The following CENPW variants were observed in gnomAD, a reference collection of about 807,000 sequenced individuals.
CENPW encodes the protein cancer-up-regulated gene 2 protein.
Under a neutral mutation model 11.1 loss-of-function variants are expected in CENPW, and 3 were observed. That is an observed-to-expected ratio of 0.27 (90% CI 0.12 to 0.70). The LOEUF (loss-of-function observed/expected upper bound fraction) is 0.70. Ranked by LOEUF, CENPW falls within the 30% of genes least tolerant of loss-of-function variation. The pLI is 0.77. For synonymous variants in CENPW, 38 were observed against 42.0 expected (o/e 0.91, Z 0.37); for missense variants, 100 against 105.6 (o/e 0.95, Z 0.23).
At chr6:126,461,433 T>C in the CENPW span, among the ~76,000 whole-genome samples, 1 of 151,904 alleles carries the variant, frequency 6.6e-6, no homozygotes, top group African/African-American at 2.4e-5. Context: ...GTGCTAGCCT[T>C]GGAGTCTTAC....
At chr6:126,388,498 C>A in the CENPW span, among the ~76,000 whole-genome samples, 1 of 151,980 alleles carries the variant, frequency 6.6e-6, no homozygotes, top group South Asian at 2.1e-4. Flanking sequence ...ATAGTGAATA[C>A]CACAGATGGA....
the CENPW span, among the ~76,000 whole-genome samples, chr6:126,453,635 G>A: frequency 6.6e-6 from 1 of 151,016 alleles, no homozygotes; most frequent in African/African-American, 2.4e-5. Flanking sequence ...ACACTATAAA[G>A]CAATCACACA....
chr6:126,469,782 G>A, the CENPW span, among the ~76,000 whole-genome samples: 1 of 152,160 alleles, frequency 6.6e-6, no homozygotes, highest in Non-Finnish European at 1.5e-5. Context: ...AAAGAGAATG[G>A]CAGCATTTTG....
the CENPW span, among the ~76,000 whole-genome samples, chr6:126,447,322 A>C: frequency 1.3e-5 from 2 of 151,222 alleles, no homozygotes; most frequent in African/African-American, 4.8e-5. Flanking sequence ...TGTGAACTTT[A>C]GTGGTCAGGA....
chr6:126,343,873 AC>A (rs1368615336), intron 1 of CENPW, among the ~76,000 whole-genome samples: 1 of 152,152 alleles, frequency 6.6e-6, no homozygotes, highest in African/African-American at 2.4e-5. Context: ...CTACACACAC[AC>A]CCAGGAACAA....
Position 126,346,448 on chromosome 6 carries a change from T to C in CENPW, c.240+130T>C. On this transcript the variant is annotated intron_variant, in intron 2 of 2. Coordinates refer to ENST00000368328, the MANE Select transcript of CENPW (RefSeq NM_001012507.4). ...AGTCGATATTTGGCCTTTTATGAAT[T>C]AATGATTTTAATTAAGGAGTTATAT... is the stretch of plus-strand genomic sequence containing the variant. The C allele has an allele frequency of 8.2e-6, 4 of 490,066 alleles. No individual in the cohort carries two copies. The Admixed American group carries it at 1.1e-4, about 13-fold the overall frequency. 30.4% of individuals were successfully genotyped at this position (490,066 alleles called of 1,614,324 possible). A position where few individuals can be genotyped will look rare whatever the true frequency, so the allele number is the denominator to read the frequency against.
At chr6:126,450,379 A>T in the CENPW span, among the ~76,000 whole-genome samples, 1 of 151,032 alleles carries the variant, frequency 6.6e-6, no homozygotes, top group Non-Finnish European at 1.5e-5. Flanking sequence ...ATCTGGTGAG[A>T]AACACTGAAT....
chr6:126,400,137 G>C, the CENPW span, among the ~76,000 whole-genome samples: 1 of 151,966 alleles, frequency 6.6e-6, no homozygotes, highest in Non-Finnish European at 1.5e-5. Flanking sequence ...GCAAATGCTT[G>C]CTTATACATT....
chr6:126,465,018 C>T, the CENPW span, among the ~76,000 whole-genome samples: 1 of 151,950 alleles, frequency 6.6e-6, no homozygotes, highest in African/African-American at 2.4e-5. Flanking sequence ...TGAGTACAAT[C>T]AGGCGAGAAA....
chr6:126,442,817 C>A, the CENPW span, among the ~76,000 whole-genome samples: 1 of 151,250 alleles, frequency 6.6e-6, no homozygotes, highest in Non-Finnish European at 1.5e-5. Context: ...TCAGTGAACT[C>A]AAAGTTTTAT....
chr6:126,374,216 C>G, the CENPW span, among the ~76,000 whole-genome samples: 2 of 152,122 alleles, frequency 1.3e-5, no homozygotes, highest in African/African-American at 2.4e-5. Flanking sequence ...TTTATCAGAG[C>G]TAGTATTGCT....
the CENPW span, among the ~76,000 whole-genome samples, chr6:126,378,882 G>C: frequency 2.0e-5 from 3 of 152,048 alleles, no homozygotes; most frequent in African/African-American, 7.2e-5. Flanking sequence ...AAGCAAGAAA[G>C]ATTAGCCACT....
the CENPW span, among the ~76,000 whole-genome samples, chr6:126,386,070 A>G: frequency 2.0e-5 from 3 of 152,082 alleles, no homozygotes; most frequent in African/African-American, 4.8e-5. Flanking sequence ...GGTAAAAGGA[A>G]TTATCCTTCG....
the CENPW span, among the ~76,000 whole-genome samples, chr6:126,477,217 G>A: frequency 6.6e-6 from 1 of 151,890 alleles, no homozygotes; most frequent in Non-Finnish European, 1.5e-5. Flanking sequence ...CCTATTAAGA[G>A]AGTACAATGT....
At chr6:126,357,185 TG>T in the CENPW span, among the ~76,000 whole-genome samples, 1 of 151,962 alleles carries the variant, frequency 6.6e-6, no homozygotes, top group Non-Finnish European at 1.5e-5. Context: ...ATTTATTGAA[TG>T]GGGGTGCTTT....
the CENPW span, among the ~76,000 whole-genome samples, chr6:126,417,597 T>C: frequency 6.6e-6 from 1 of 152,130 alleles, no homozygotes; most frequent in Non-Finnish European, 1.5e-5. Flanking sequence ...AGTGAATAAG[T>C]CTCATGAGAT....
Position 126,340,360 on chromosome 6 carries a change from G to A in CENPW, c.87G>A (p.Lys29=). Residue 29 remains lysine, a synonymous_variant, in exon 1 of 3, where the codon AAG becomes AAA. Transcript: ENST00000368328. ...RGFLKRVFKR[K]KPQLRLEKSG... is the part of the protein sequence containing the mutation. ...TTCTAAAGCGAGTCTTCAAGCGAAA[G>A]AAGCCTCAACTTCGTCTGGAGAAAA... The A allele has an allele frequency of 6.2e-7, 1 of 1,614,194 alleles. No individual in the cohort carries two copies. Among genetic ancestry groups the A allele is most frequent in the South Asian group, 1.1e-5 (1 of 91,074 alleles).
chr6:126,454,183 G>T, the CENPW span, among the ~76,000 whole-genome samples: 1 of 151,176 alleles, frequency 6.6e-6, no homozygotes, highest in African/African-American at 2.4e-5. Context: ...AACTAACACA[G>T]ATATTTGGGA....
At chr6:126,364,113 G>T in the CENPW span, among the ~76,000 whole-genome samples, 1 of 152,082 alleles carries the variant, frequency 6.6e-6, no homozygotes. Flanking sequence ...GTTCTAGGGT[G>T]GTAATTTACT....
Sources: gnomAD v4.1 joint callset for allele counts (sites outside exome capture counted in the v4.1 genomes callset) on GRCh38, gnomAD v4.1.1 for gene constraint, MANE v1.5 for transcripts, NCBI Gene and HGNC (gene_info 2026-07-23, HGNC 2026-07-21) for gene names.